The following B4GALT6 variants were observed in gnomAD, a reference collection of about 807,000 sequenced individuals.
The protein encoded by B4GALT6 is beta-1,4-galactosyltransferase 6.
In B4GALT6, 14 loss-of-function variants were observed where a neutral mutation model predicts 46.3. The ratio of observed to expected loss-of-function variants is 0.30; its 90% CI spans 0.20 to 0.47. The LOEUF (loss-of-function observed/expected upper bound fraction) is 0.47, where lower values mean the gene tolerates loss of function less well. Ranked by LOEUF, B4GALT6 falls within the 20% of genes least tolerant of loss-of-function variation. B4GALT6 has a pLI of 0.99. For missense variants in B4GALT6, 386 were observed against 480.1 expected, an observed-to-expected ratio of 0.80 and a Z score of 1.83; for synonymous variants, 168 against 162.0, an observed-to-expected ratio of 1.04 and a Z score of -0.28.
intron 4 of B4GALT6, among the ~76,000 whole-genome samples, chr18:31,641,193 A>G (rs1287559803): frequency 6.6e-6 from 1 of 152,258 alleles, no homozygotes; most frequent in African/African-American, 2.4e-5. Context: ...AGCTGAACAT[A>G]TAAGGATAAA....
intron 3 of B4GALT6, among the ~76,000 whole-genome samples, chr18:31,652,763 G>C (rs1449018502): frequency 6.6e-6 from 1 of 152,150 alleles, no homozygotes; most frequent in African/African-American, 2.4e-5. Context: ...ATGGCACCCT[G>C]TAGGTTCTTT....
intron 5 of B4GALT6, among the ~76,000 whole-genome samples, chr18:31,632,571 A>G (rs1190818584): frequency 6.6e-6 from 1 of 152,142 alleles, no homozygotes; most frequent in South Asian, 2.1e-4. Context: ...CTTTCACTTT[A>G]AGACACTGTC....
chr18:31,627,529 C>G (rs1017937054), intron 6 of B4GALT6, among the ~76,000 whole-genome samples: 4 of 152,002 alleles, frequency 2.6e-5, no homozygotes, highest in African/African-American at 9.7e-5. Flanking sequence ...ATTATAAACG[C>G]ATTATTTATT....
the B4GALT6 span, among the ~76,000 whole-genome samples, chr18:31,691,418 C>A: frequency 7.1e-6 from 1 of 140,430 alleles, no homozygotes; most frequent in Non-Finnish European, 1.6e-5. Context: ...ATCAAAAGAG[C>A]CATCTTCATA....
chr18:31,710,373 C>T, the B4GALT6 span, among the ~76,000 whole-genome samples: 4 of 150,450 alleles, frequency 2.7e-5, no homozygotes, highest in African/African-American at 9.8e-5. Context: ...TGGTGGCCTC[C>T]CAAAAAAATA....
At chr18:31,638,554 A>C (rs1317495283) in intron 5 of B4GALT6, 90 bp downstream of exon 5, 9 of 1,103,268 alleles carry the variant, frequency 8.2e-6, no homozygotes, top group Non-Finnish European at 1.1e-5. Flanking sequence ...AATCAGACTT[A>C]CCTTATTAAT....
rs1244152394 is a variant in B4GALT6 at position 31,658,367 on chromosome 18, G to A, written c.233-278C>T. The A allele has an allele frequency of 3.5e-5, 9 of 256,396 alleles. 1 individual carries two copies. In the East Asian group the frequency reaches 4.4e-4, roughly 12 times the overall value. 15.9% of individuals were successfully genotyped at this position (256,396 alleles called of 1,614,324 possible). On this transcript the variant is annotated intron_variant, in intron 2 of 8. Coordinates refer to ENST00000306851, the MANE Select transcript of B4GALT6 (RefSeq NM_004775.5). Reference sequence around the variant, plus strand: ...CAACCATGTGAGAACACCTGCTCCCGTCCCTCCCCTGGCTGAGCCCGATCT... The same window carrying A: ...CAACCATGTGAGAACACCTGCTCCCATCCCTCCCCTGGCTGAGCCCGATCT...
At chr18:31,684,793 G>C (rs143953875), upstream of B4GALT6, 354 of 1,038,744 alleles carry the variant, frequency 3.4e-4, 4 homozygotes, top group East Asian at 0.024. Flanking sequence ...GGGAGGAGGC[G>C]CAGGCTGCGC....
intron 7 of B4GALT6, 116 bp from the exon 8 acceptor site, chr18:31,626,500 G>A: frequency 3.6e-6 from 2 of 554,466 alleles, no homozygotes; most frequent in Non-Finnish European, 6.2e-6. Flanking sequence ...CCAACCCCTG[G>A]GCCACAAACC....
At chr18:31,644,378 A>G (rs554263846) in intron 4 of B4GALT6, among the ~76,000 whole-genome samples, 5 of 152,260 alleles carry the variant, frequency 3.3e-5, no homozygotes, top group South Asian at 4.1e-4. Context: ...TTCATGGTAG[A>G]TGAAGTCAGA....
chr18:31,666,378 A>C lies in B4GALT6; in HGVS notation c.116-6T>G. 1.4e-6 allele frequency: 2 copies of C among 1,428,040 alleles called. No individual in the cohort carries two copies. The highest frequency in any genetic ancestry group is 9.7e-7 in the Non-Finnish European group (1 of 1,028,938). 88.5% of individuals were successfully genotyped at this position (1,428,040 alleles called of 1,614,324 possible). A position where few individuals can be genotyped will look rare whatever the true frequency, so the allele number is the denominator to read the frequency against. On this transcript the variant is annotated splice_region_variant and splice_polypyrimidine_tract_variant and intron_variant, in intron 1 of 8. Transcript: ENST00000306851. Reference sequence around the variant, plus strand: ...CATAAAGAGATATGTGTTGGCTATAAAAGAAAAATAGAGAAAGAATGTCAT... The same window carrying C: ...CATAAAGAGATATGTGTTGGCTATACAAGAAAAATAGAGAAAGAATGTCAT...
intron 1 of B4GALT6, among the ~76,000 whole-genome samples, chr18:31,682,272 A>G (rs573226140): frequency 6.6e-6 from 1 of 152,338 alleles, no homozygotes; most frequent in East Asian, 1.9e-4. Context: ...GCTTCCCAAT[A>G]CTTAAAGATA....
chr18:31,634,195 C>A (rs1161868115), intron 5 of B4GALT6, among the ~76,000 whole-genome samples: 1 of 152,138 alleles, frequency 6.6e-6, no homozygotes, highest in Non-Finnish European at 1.5e-5. Flanking sequence ...ATTTACTCAA[C>A]CCCCCGGTTT....
At chr18:31,641,830 T>C (rs984037224) in intron 4 of B4GALT6, among the ~76,000 whole-genome samples, 1 of 152,236 alleles carries the variant, frequency 6.6e-6, no homozygotes, top group African/African-American at 2.4e-5. Context: ...TTTTCTCCTA[T>C]ATACACCATG....
intron 1 of B4GALT6, among the ~76,000 whole-genome samples, chr18:31,679,634 T>C (rs950112120): frequency 1.3e-5 from 2 of 152,290 alleles, no homozygotes; most frequent in African/African-American, 4.8e-5. Flanking sequence ...GGAGGATAAA[T>C]AAATACCATT....
chr18:31,665,462 G>A (rs577110299), intron 2 of B4GALT6, among the ~76,000 whole-genome samples: 74 of 152,252 alleles, frequency 4.9e-4, no homozygotes, highest in African/African-American at 1.6e-3. Context: ...AGAGTAGGCC[G>A]GGCACAGTGG....
chr18:31,637,465 C>T (rs1409547048), intron 5 of B4GALT6, among the ~76,000 whole-genome samples: 1 of 148,744 alleles, frequency 6.7e-6, no homozygotes, highest in Admixed American at 6.7e-5. Context: ...GGGTCTATAT[C>T]CTACAACAAA....
the B4GALT6 span, among the ~76,000 whole-genome samples, chr18:31,718,475 T>A: frequency 9.6e-4 from 146 of 152,280 alleles, no homozygotes; most frequent in African/African-American, 3.4e-3. Flanking sequence ...TCATTCAGAA[T>A]CTCCATAAAT....
the B4GALT6 span, among the ~76,000 whole-genome samples, chr18:31,713,693 T>C: frequency 6.6e-6 from 1 of 152,176 alleles, no homozygotes; most frequent in African/African-American, 2.4e-5. Context: ...TAAAGCAAAG[T>C]TAGGAGTTTA....
Sources: allele counts gnomAD v4.1 joint callset (sites outside exome capture counted in the v4.1 genomes callset), GRCh38; gene constraint gnomAD v4.1.1; transcripts MANE v1.5; gene names NCBI Gene and HGNC (gene_info 2026-07-23, HGNC 2026-07-21).